SFXN1: variants seen among roughly 807,000 people sequenced by gnomAD.
SFXN1 encodes the protein sideroflexin-1.
Under a neutral mutation model 39.5 loss-of-function variants are expected in SFXN1, and 32 were observed. That is an observed-to-expected ratio of 0.81 (90% CI 0.61 to 1.09). The LOEUF is 1.09. Among genes scored for constraint, SFXN1 ranks in the 50% least tolerant of loss-of-function variants. The pLI, the probability that SFXN1 is intolerant of heterozygous loss-of-function variation, is 0.00. For missense variants in SFXN1, 402 were observed against 407.1 expected, an observed-to-expected ratio of 0.99 and a Z score of 0.11; for synonymous variants, 136 against 146.5, an observed-to-expected ratio of 0.93 and a Z score of 0.52.
chr5:175,499,417 A>T (rs982504911), intron 2 of SFXN1, among the ~76,000 whole-genome samples: 1 of 152,228 alleles, frequency 6.6e-6, no homozygotes, highest in Non-Finnish European at 1.5e-5. Context: ...ACATAGACAC[A>T]AAAATTCTTA....
At chr5:175,508,649 T>A (rs1255038461) in intron 2 of SFXN1, among the ~76,000 whole-genome samples, 1 of 152,054 alleles carries the variant, frequency 6.6e-6, no homozygotes, top group Non-Finnish European at 1.5e-5. Context: ...GCATAAATTT[T>A]TTTTTTTGAG....
At chr5:175,508,110 A>G (rs111642494) in intron 2 of SFXN1, among the ~76,000 whole-genome samples, 10,175 of 152,152 alleles carry the variant, frequency 0.067, 463 homozygotes, top group Admixed American at 0.11. Context: ...AAAATACATT[A>G]TAAAATATGT....
chr5:175,499,234 A>G (rs267361), intron 2 of SFXN1, among the ~76,000 whole-genome samples: 9,417 of 151,210 alleles, frequency 0.062, 1,002 homozygotes, highest in African/African-American at 0.22. Flanking sequence ...CAGCCTGGGC[A>G]ACAGAGTGAG....
intron 10 of SFXN1, among the ~76,000 whole-genome samples, 155 bp from the exon 11 acceptor site, chr5:175,526,483 G>A (rs771646695): frequency 4.6e-5 from 7 of 152,178 alleles, no homozygotes; most frequent in South Asian, 2.1e-4. Context: ...TGAAAGGAAC[G>A]TGATCTCGTT....
In SFXN1 at chr5:175,526,689, G is replaced by A. The variant is rs139978895; in HGVS notation, c.924G>A (p.Glu308=). The change falls in exon 11 of 11, where the codon GAG becomes GAA. Residue 308 remains glutamate, a synonymous_variant. Transcript: ENST00000321442. The part of the protein sequence containing the change: ...LEAELQAKIQ[E]SHPELRRVYF... ...CCGAGTTGCAAGCTAAGATCCAAGA[G>A]AGCCATCCTGAATTGCGACGCGTGT... The A allele has an allele frequency of 4.8e-5, 77 of 1,614,174 alleles. No homozygotes were observed. In the African/African-American group the frequency reaches 9.1e-4, roughly 19 times the overall value.
chr5:175,481,239 A>G (rs956084865), intron 1 of SFXN1, among the ~76,000 whole-genome samples: 3 of 152,358 alleles, frequency 2.0e-5, no homozygotes, highest in Non-Finnish European at 4.4e-5. Context: ...ATACTGCTTA[A>G]GAAATCCATG....
rs570589145 is a variant in SFXN1 at position 175,486,954 on chromosome 5, G to GA, written c.-9-5136dup. ...TTCATTATTTATGTTAAGCATGAAG[G>GA]AAAAATAGTGATAGTGAGAATTATA... On this transcript the variant is annotated intron_variant, in intron 1 of 10. Coordinates refer to ENST00000321442, the MANE Select transcript of SFXN1 (RefSeq NM_022754.7). Among the ~76,000 whole-genome samples the GA allele has an allele frequency of 3.9e-4, 60 of 152,186 alleles. No individual in the cohort carries two copies. In the East Asian group the frequency reaches 0.01, roughly 26 times the overall value.
Position 175,512,133 on chromosome 5 carries a change from G to A in SFXN1, c.533G>A (p.Arg178His), listed in dbSNP as rs765588673. 18 of 1,614,024 alleles carry A rather than the reference G, an allele frequency of 1.1e-5. No individual in the cohort carries two copies. Among genetic ancestry groups the A allele is most frequent in the East Asian group, 2.2e-5 (1 of 44,898 alleles). The stretch of plus-strand genomic sequence containing the variant: ...CAGCATGTCTCACCACTGATAGGAC[G>A]TTTTGTTCCCTTTGCTGCCGTAGCT... ...LTKHVSPLIGRFVPFAAVAAA... is the reference protein window; with the variant it reads ...LTKHVSPLIGHFVPFAAVAAA... Residue 178 changes from arginine (R) to histidine (H), a missense_variant, in exon 6 of 11, where the codon CGT becomes CAT. Arg to His is a conservative substitution (Grantham distance 29). Transcript: ENST00000321442.
intron 1 of SFXN1, among the ~76,000 whole-genome samples, chr5:175,480,731 G>A (rs1405246352): frequency 1.3e-5 from 2 of 152,078 alleles, no homozygotes; most frequent in South Asian, 2.1e-4. Flanking sequence ...GGACAGCAAA[G>A]GTGGTAAGAG....
chr5:175,480,438 A>G (rs141464215), intron 1 of SFXN1, among the ~76,000 whole-genome samples: 1,914 of 151,362 alleles, frequency 0.013, 42 homozygotes, highest in African/African-American at 0.044. Context: ...GGGAGGAGCT[A>G]TCAGCTCCCA....
In SFXN1 at chr5:175,526,295, G is replaced by A. The variant is rs147743614; in HGVS notation, c.873-343G>A. 9.9e-5 allele frequency among the ~76,000 whole-genome samples: 15 copies of A among 152,106 alleles called. No individual in the cohort carries two copies. In the South Asian group the frequency reaches 2.1e-3, roughly 21 times the overall value. ...GGTGAACATTGCAAATGATTGATAC[G>A]TTTTTCTTAGGAAGTGGCATTGCCA... On this transcript the variant is annotated intron_variant, in intron 10 of 10. Transcript: ENST00000321442.
intron 4 of SFXN1, 83 bp downstream of exon 4, chr5:175,510,290 C>T (rs1760468392): frequency 9.3e-7 from 1 of 1,079,084 alleles, no homozygotes. Context: ...TTTAAAAAAG[C>T]CTATGTGTGC....
chr5:175,520,628 G>A (rs1177295225), intron 8 of SFXN1, among the ~76,000 whole-genome samples: 2 of 152,166 alleles, frequency 1.3e-5, no homozygotes, highest in Non-Finnish European at 2.9e-5. Context: ...TCTCTTTTGA[G>A]TAACAGGTTA....
At chr5:175,484,846 C>T (rs1313012869) in intron 1 of SFXN1, among the ~76,000 whole-genome samples, 1 of 152,156 alleles carries the variant, frequency 6.6e-6, no homozygotes, top group Non-Finnish European at 1.5e-5. Context: ...CAGGTGCGCA[C>T]CACCACGCTC....
chr5:175,509,677 A>T (rs976929566), intron 3 of SFXN1, among the ~76,000 whole-genome samples: 2 of 152,168 alleles, frequency 1.3e-5, no homozygotes, highest in African/African-American at 4.8e-5. Context: ...ATTCATATAG[A>T]TATAGGTATA....
chr5:175,517,628 G>C (rs768381838), intron 8 of SFXN1, among the ~76,000 whole-genome samples: 4 of 152,110 alleles, frequency 2.6e-5, no homozygotes, highest in African/African-American at 9.7e-5. Context: ...GGTATATGTC[G>C]GTGTTGCATT....
At position 175,529,712 on chromosome 5, in the gene SFXN1, A is replaced by C. The variant is rs1761195872; in HGVS notation, c.*2978A>C. Reference sequence around the variant, plus strand: ...TGTATTATTTCAGTTCAACTGGATGAAATGTTAAATAAACTCAGAATGAAA... The same window carrying C: ...TGTATTATTTCAGTTCAACTGGATGCAATGTTAAATAAACTCAGAATGAAA... On this transcript the variant is annotated 3_prime_UTR_variant, in exon 11 of 11. Coordinates refer to ENST00000321442, the MANE Select transcript of SFXN1 (RefSeq NM_022754.7). 1 of 152,258 alleles carries C rather than the reference A, an allele frequency of 6.6e-6. No individual in the cohort carries two copies. The highest frequency in any genetic ancestry group is 6.5e-5 in the Admixed American group (1 of 15,292). 9.4% of individuals were successfully genotyped at this position (152,258 alleles called of 1,614,324 possible). A position where few individuals can be genotyped will look rare whatever the true frequency, so the allele number is the denominator to read the frequency against.
At chr5:175,496,248 G>A (rs1234867113) in intron 2 of SFXN1, among the ~76,000 whole-genome samples, 4 of 151,606 alleles carry the variant, frequency 2.6e-5, no homozygotes, top group African/African-American at 9.7e-5. Context: ...ATGGTGACGC[G>A]CACCTATAAT....
chr5:175,491,919 A>G, intron 1 of SFXN1, 176 bp from the exon 2 acceptor site: 1 of 474,620 alleles, frequency 2.1e-6, no homozygotes, highest in South Asian at 4.4e-5. Flanking sequence ...ATTGAGATTT[A>G]TAGACAAACT....
Sources: allele counts gnomAD v4.1 joint callset (sites outside exome capture counted in the v4.1 genomes callset), GRCh38; gene constraint gnomAD v4.1.1; transcripts MANE v1.5; gene names NCBI Gene and HGNC (gene_info 2026-07-23, HGNC 2026-07-21).